The following LRP1B variants were observed in gnomAD, a reference collection of about 807,000 sequenced individuals.
LRP1B encodes low-density lipoprotein receptor-related protein 1B.
In LRP1B, 217 loss-of-function variants were observed where a neutral mutation model predicts 556.6. The ratio of observed to expected loss-of-function variants is 0.39; its 90% CI spans 0.35 to 0.44. The LOEUF (loss-of-function observed/expected upper bound fraction) is 0.44, where lower values mean the gene tolerates loss of function less well. Among genes scored for constraint, LRP1B ranks in the 20% least tolerant of loss-of-function variants. LRP1B has a pLI of 1.00. For missense variants in LRP1B, 5,053 were observed against 5,620.8 expected (o/e 0.90, Z 3.23); for synonymous variants, 2,047 against 1,865.8 (o/e 1.10, Z -2.50).
chr2:140,327,767 G>C (rs1198300344), intron 79 of LRP1B, among the ~76,000 whole-genome samples: 1 of 152,002 alleles, frequency 6.6e-6, no homozygotes, highest in Non-Finnish European at 1.5e-5. Context: ...TTCAGAAGCA[G>C]TAAAAAGGTC....
chr2:140,948,221 G>T (rs935009594), intron 20 of LRP1B, among the ~76,000 whole-genome samples: 8 of 152,172 alleles, frequency 5.3e-5, no homozygotes, highest in African/African-American at 1.9e-4. Context: ...ACATTATGGA[G>T]TAGTGTCAGC....
intron 1 of LRP1B, among the ~76,000 whole-genome samples, chr2:141,908,984 G>A (rs1003541245): frequency 1.3e-5 from 2 of 152,104 alleles, no homozygotes; most frequent in African/African-American, 4.8e-5. Flanking sequence ...GGTAGCCATG[G>A]AGGTGTAAGA....
intron 7 of LRP1B, among the ~76,000 whole-genome samples, chr2:141,076,351 G>A (rs1006451409): frequency 1.3e-5 from 2 of 152,144 alleles, no homozygotes; most frequent in African/African-American, 4.8e-5. Context: ...TGGCAGGTAT[G>A]CCAGCAATTA....
At chr2:141,512,167 T>C (rs1684154698) in intron 2 of LRP1B, among the ~76,000 whole-genome samples, 2 of 152,162 alleles carry the variant, frequency 1.3e-5, no homozygotes, top group Non-Finnish European at 2.9e-5. Context: ...ACAACAATCA[T>C]GACAAATAGG....
intron 2 of LRP1B, among the ~76,000 whole-genome samples, chr2:141,691,408 A>G (rs1192476026): frequency 6.7e-6 from 1 of 148,540 alleles, no homozygotes; most frequent in Non-Finnish European, 1.5e-5. Flanking sequence ...TGGAAACAGA[A>G]TTTTTCTTCT....
intron 49 of LRP1B, among the ~76,000 whole-genome samples, chr2:140,518,674 T>C (rs1033766565): frequency 1.3e-5 from 2 of 152,142 alleles, no homozygotes; most frequent in Non-Finnish European, 2.9e-5. Context: ...GATTCCTAGG[T>C]ATTTTATTCT....
chr2:140,884,080 GA>G, intron 24 of LRP1B, 59 bp from the exon 25 acceptor site: 1 of 1,475,212 alleles, frequency 6.8e-7, no homozygotes. Flanking sequence ...AAGCACAAAG[GA>G]AAAGGCCTTT....
At chr2:141,862,478 C>T (rs571905787) in intron 1 of LRP1B, among the ~76,000 whole-genome samples, 5 of 152,226 alleles carry the variant, frequency 3.3e-5, no homozygotes, top group Admixed American at 6.5e-5. Context: ...GTACAAATCT[C>T]GGCTCACGGC....
intron 2 of LRP1B, among the ~76,000 whole-genome samples, chr2:141,599,164 C>T (rs1180984644): frequency 6.9e-6 from 1 of 144,208 alleles, no homozygotes; most frequent in Non-Finnish European, 1.5e-5. Context: ...TCTTTGCAAT[C>T]AGCAACTCAA....
chr2:141,752,150 T>C (rs1574320561), intron 2 of LRP1B, among the ~76,000 whole-genome samples: 1 of 152,138 alleles, frequency 6.6e-6, no homozygotes, highest in South Asian at 2.1e-4. Context: ...TTGACCTAAG[T>C]ATTTACAAAT....
Position 141,382,950 on chromosome 2 carries a change from G to GA in LRP1B, c.343+97445dup, listed in dbSNP as rs972817080. Among the ~76,000 whole-genome samples the GA allele has an allele frequency of 6.6e-5, 10 of 150,658 alleles. No homozygotes were observed. In the East Asian group the frequency reaches 1.2e-3, roughly 17 times the overall value. ...AGTGAAAAGGCAACTTAAAGAATGA[G>GA]AAAAAAAAATATTTGCAAACCTTGC... On this transcript the variant is annotated intron_variant, in intron 3 of 90. Transcript: ENST00000389484.
intron 67 of LRP1B, among the ~76,000 whole-genome samples, chr2:140,384,151 G>C (rs1275177620): frequency 6.6e-6 from 1 of 152,102 alleles, no homozygotes; most frequent in African/African-American, 2.4e-5. Context: ...AGTTCTCCAA[G>C]ACATGTCTAC....
chr2:141,235,467 GC>G (rs1200329367), intron 5 of LRP1B, among the ~76,000 whole-genome samples: 2 of 152,060 alleles, frequency 1.3e-5, no homozygotes, highest in African/African-American at 4.8e-5. Flanking sequence ...CTTAGTGGAG[GC>G]ACAAGTTTCC....
intron 1 of LRP1B, among the ~76,000 whole-genome samples, chr2:142,041,588 A>G (rs964804389): frequency 6.6e-6 from 1 of 151,418 alleles, no homozygotes; most frequent in Admixed American, 6.6e-5. Context: ...TTGCTTTGAA[A>G]CTCAAAGAAG....
At chr2:141,638,896 CGT>C (rs143805584) in intron 2 of LRP1B, among the ~76,000 whole-genome samples, 10,714 of 57,512 alleles carry the variant, frequency 0.19, 2,758 homozygotes, top group African/African-American at 0.24. Flanking sequence ...TGTGTATGTG[CGT>C]GTGTGTGTGT....
At chr2:141,533,019 G>C (rs1574052761) in intron 2 of LRP1B, among the ~76,000 whole-genome samples, 1 of 151,962 alleles carries the variant, frequency 6.6e-6, no homozygotes, top group Non-Finnish European at 1.5e-5. Flanking sequence ...ACATTATAAA[G>C]GTGTGGTATA....
chr2:141,389,722 T>C (rs1689976328), intron 3 of LRP1B, among the ~76,000 whole-genome samples: 1 of 152,118 alleles, frequency 6.6e-6, no homozygotes, highest in African/African-American at 2.4e-5. Context: ...GAAAATATTT[T>C]CAAATAATAT....
chr2:141,157,665 T>C (rs1212925544), intron 7 of LRP1B, among the ~76,000 whole-genome samples: 1 of 152,136 alleles, frequency 6.6e-6, no homozygotes, highest in Non-Finnish European at 1.5e-5. Context: ...TCTTTGTGCA[T>C]ATTCTCGTCA....
intron 35 of LRP1B, among the ~76,000 whole-genome samples, chr2:140,752,146 C>T (rs570349216): frequency 3.9e-5 from 6 of 152,004 alleles, no homozygotes; most frequent in African/African-American, 1.4e-4. Context: ...GAAACCCTGT[C>T]TCTACTAAAA....
Sources: allele counts gnomAD v4.1 joint callset (sites outside exome capture counted in the v4.1 genomes callset), GRCh38; gene constraint gnomAD v4.1.1; transcripts MANE v1.5; gene names NCBI Gene and HGNC (gene_info 2026-07-23, HGNC 2026-07-21).